Variants in CLASP1 observed in about 807,000 individuals in gnomAD.
CLASP1 encodes the protein cytoplasmic linker associated protein 1.
A neutral mutation model predicts 192.3 loss-of-function variants in CLASP1; 38 were observed. The observed-to-expected ratio is 0.20, with a 90% confidence interval of 0.15 to 0.26. The LOEUF (loss-of-function observed/expected upper bound fraction) is 0.26, where lower values mean the gene tolerates loss of function less well. Ranked by LOEUF, CLASP1 falls within the 10% of genes least tolerant of loss-of-function variation. The pLI, the probability that CLASP1 is intolerant of heterozygous loss-of-function variation, is 1.00. For synonymous variants in CLASP1, 691 were observed against 712.8 expected, an observed-to-expected ratio of 0.97 and a Z score of 0.49; for missense variants, 1,433 against 1,932.5, an observed-to-expected ratio of 0.74 and a Z score of 4.85.
intron 8 of CLASP1, 64 bp from the exon 9 acceptor site, chr2:121,470,024 T>TAC: frequency 1.6e-6 from 2 of 1,244,302 alleles, no homozygotes; most frequent in Admixed American, 2.3e-5. Context: ...CATATATATA[T>TAC]ACTTTTTCAC....
intron 2 of CLASP1, among the ~76,000 whole-genome samples, chr2:121,558,881 T>C (rs754341163): frequency 2.6e-5 from 4 of 152,236 alleles, no homozygotes; most frequent in Non-Finnish European, 5.9e-5. Flanking sequence ...CTCATGGTTC[T>C]GTTCAGAATG....
chr2:121,361,956 G>A (rs977628643), intron 37 of CLASP1, among the ~76,000 whole-genome samples: 5 of 152,184 alleles, frequency 3.3e-5, no homozygotes, highest in Admixed American at 6.5e-5. Flanking sequence ...CAAGACCCTC[G>A]CCCTTGCTGA....
chr2:121,475,777 T>C (rs1250434050), intron 8 of CLASP1, among the ~76,000 whole-genome samples: 1 of 152,228 alleles, frequency 6.6e-6, no homozygotes, highest in Non-Finnish European at 1.5e-5. Flanking sequence ...GGGGAAGTTC[T>C]CTTTAAGCCC....
chr2:121,497,652 G>A (rs770367725), intron 8 of CLASP1, among the ~76,000 whole-genome samples: 2 of 152,342 alleles, frequency 1.3e-5, no homozygotes, highest in Non-Finnish European at 1.5e-5. Flanking sequence ...TTAGATAAAG[G>A]AAGCCAAGAA....
intron 14 of CLASP1, among the ~76,000 whole-genome samples, chr2:121,453,121 T>C (rs1220220085): frequency 2.0e-5 from 3 of 152,128 alleles, no homozygotes; most frequent in Admixed American, 2.0e-4. Flanking sequence ...ACACTGTCTC[T>C]ACAAAAAATT....
chr2:121,487,515 T>C (rs913390054), intron 8 of CLASP1, among the ~76,000 whole-genome samples: 5 of 152,224 alleles, frequency 3.3e-5, no homozygotes, highest in Non-Finnish European at 7.3e-5. Context: ...ACATTACATT[T>C]AGTTATCCTG....
At chr2:121,349,116 T>C (rs1253414096) in intron 37 of CLASP1, among the ~76,000 whole-genome samples, 1 of 151,962 alleles carries the variant, frequency 6.6e-6, no homozygotes, top group African/African-American at 2.4e-5. Context: ...GGTGGGCACC[T>C]GTAGTCCCAG....
chr2:121,526,055 T>A (rs1309125207), intron 5 of CLASP1, 135 bp from the exon 6 acceptor site: 3 of 658,012 alleles, frequency 4.6e-6, no homozygotes, highest in African/African-American at 1.8e-5. Flanking sequence ...CTCCATCCCA[T>A]CCACACTGGC....
exon 40 of CLASP1, chr2:121,339,953 T>C (rs1312497679): frequency 6.6e-6 from 1 of 152,214 alleles, no homozygotes; most frequent in Non-Finnish European, 1.5e-5. Flanking sequence ...TGGTGCTCAA[T>C]CTGAATCACC....
chr2:121,454,280 T>C (rs2149820221), intron 14 of CLASP1, among the ~76,000 whole-genome samples: 1 of 152,204 alleles, frequency 6.6e-6, no homozygotes, highest in East Asian at 1.9e-4. Flanking sequence ...ATGAGATTAG[T>C]GTCCCTATAA....
intron 2 of CLASP1, among the ~76,000 whole-genome samples, chr2:121,593,476 G>A (rs920786164): frequency 2.0e-5 from 3 of 151,540 alleles, no homozygotes; most frequent in African/African-American, 7.3e-5. Context: ...AAAAGTAGCC[G>A]GGCATGCTGG....
chr2:121,578,210 C>G (rs1217687811), intron 2 of CLASP1, among the ~76,000 whole-genome samples: 2 of 151,954 alleles, frequency 1.3e-5, no homozygotes, highest in African/African-American at 4.8e-5. Flanking sequence ...AAGGATTACA[C>G]AGGCATGAGC....
At chr2:121,612,591 TGGAGCTGGA>T (rs2065800650) in intron 1 of CLASP1, among the ~76,000 whole-genome samples, 1 of 151,352 alleles carries the variant, frequency 6.6e-6, no homozygotes, top group Non-Finnish European at 1.5e-5. Context: ...GAGGAGCTGA[TGGAGCTGGA>T]GGAGGAAGTA....
chr2:121,606,369 A>G (rs935564680), intron 1 of CLASP1, among the ~76,000 whole-genome samples, 189 bp from the exon 2 acceptor site: 3 of 152,230 alleles, frequency 2.0e-5, no homozygotes, highest in Admixed American at 6.5e-5. Flanking sequence ...CAGGAAGAAC[A>G]TCGAAGCCCA....
At chr2:121,598,088 G>A (rs930677466) in intron 2 of CLASP1, among the ~76,000 whole-genome samples, 6 of 152,144 alleles carry the variant, frequency 3.9e-5, no homozygotes, top group African/African-American at 1.4e-4. Context: ...TTCAAAATTT[G>A]GGGTTATTTT....
intron 34 of CLASP1, among the ~76,000 whole-genome samples, chr2:121,369,407 TTTAA>T (rs1215715721): frequency 6.6e-6 from 1 of 152,234 alleles, no homozygotes; most frequent in African/African-American, 2.4e-5. Context: ...CATGGATGGT[TTTAA>T]TTGTTTCTTT....
chr2:121,527,632 T>C (rs1302872255), intron 5 of CLASP1, among the ~76,000 whole-genome samples, 167 bp downstream of exon 5: 1 of 152,176 alleles, frequency 6.6e-6, no homozygotes, highest in Admixed American at 6.5e-5. Context: ...GTACTGATGC[T>C]GTACTATAGT....
intron 1 of CLASP1, among the ~76,000 whole-genome samples, chr2:121,623,699 A>G (rs1237557120): frequency 1.3e-5 from 2 of 152,032 alleles, no homozygotes; most frequent in Non-Finnish European, 2.9e-5. Flanking sequence ...TGCTAATTCA[A>G]TCTCTTTACT....
chr2:121,643,293 T>A (rs1251711449), intron 1 of CLASP1, among the ~76,000 whole-genome samples: 1 of 152,238 alleles, frequency 6.6e-6, no homozygotes. Flanking sequence ...GGAGGAAATC[T>A]GATTTGACAG....
Sources: allele counts gnomAD v4.1 joint callset (sites outside exome capture counted in the v4.1 genomes callset), GRCh38; gene constraint gnomAD v4.1.1; transcripts MANE v1.5; gene names NCBI Gene and HGNC (gene_info 2026-07-23, HGNC 2026-07-21).